The following RNF130 variants were observed in gnomAD, a reference collection of about 807,000 sequenced individuals.
RNF130 encodes E3 ubiquitin-protein ligase RNF130.
RNF130 carries 21 observed loss-of-function variants against 44.6 expected under a neutral mutation model. The observed-to-expected ratio is 0.47, with a 90% confidence interval of 0.33 to 0.68. The LOEUF (loss-of-function observed/expected upper bound fraction) is 0.68, where lower values mean the gene tolerates loss of function less well. Ranked by LOEUF, RNF130 falls within the 30% of genes least tolerant of loss-of-function variation. The probability of loss-of-function intolerance (pLI) is 0.02; values close to 1 mark genes in which losing one functional copy is unlikely to be tolerated. For missense variants in RNF130, 479 were observed against 560.6 expected (o/e 0.85, Z 1.47); for synonymous variants, 214 against 210.4 (o/e 1.02, Z -0.15).
intron 2 of RNF130, among the ~76,000 whole-genome samples, chr5:180,020,376 G>C (rs575474846): frequency 1.3e-5 from 2 of 152,186 alleles, no homozygotes; most frequent in Non-Finnish European, 2.9e-5. Flanking sequence ...GTCTCCCCAC[G>C]TGGAAGTGAC....
chr5:180,056,205 G>A lies in RNF130; in HGVS notation c.247+15251C>T, dbSNP rs138048850. On this transcript the variant is annotated intron_variant, in intron 1 of 8. Coordinates refer to ENST00000521389, the MANE Select transcript of RNF130 (RefSeq NM_018434.6). ...CTATCAGAAATATAGATTTATTCCC[G>A]CTGTTACTCTTAGCCTAAGTGTTGA... Among the ~76,000 whole-genome samples, 961 of 151,846 alleles carry A rather than the reference G, an allele frequency of 6.3e-3. 2 individuals are homozygous for A. Among genetic ancestry groups the A allele is most frequent in the South Asian group, 9.1e-3 (44 of 4,810 alleles).
intron 8 of RNF130, among the ~76,000 whole-genome samples, chr5:179,957,334 C>A (rs1467042705): frequency 6.6e-6 from 1 of 152,180 alleles, no homozygotes; most frequent in African/African-American, 2.4e-5. Context: ...ACTGCTTGAA[C>A]CTGGGAGGCA....
chr5:179,965,201 C>G (rs748803680), intron 7 of RNF130, among the ~76,000 whole-genome samples: 2 of 152,124 alleles, frequency 1.3e-5, no homozygotes, highest in Non-Finnish European at 2.9e-5. Context: ...ATAAAACACC[C>G]AATATGCTGG....
In RNF130 at chr5:179,973,461, C is replaced by T. The variant is rs117536854; in HGVS notation, c.849-2955G>A. On this transcript the variant is annotated intron_variant, in intron 5 of 8. Transcript: ENST00000521389. Reference sequence around the variant, plus strand: ...AACAGTCTGGTGCTCGGCAAACCACCTTTCTGCTGTGCAGAGGTCTCAGCT... The same window carrying T: ...AACAGTCTGGTGCTCGGCAAACCACTTTTCTGCTGTGCAGAGGTCTCAGCT... 2.9e-4 allele frequency among the ~76,000 whole-genome samples: 44 copies of T among 152,354 alleles called. 1 individual carries two copies. The East Asian group carries it at 8.1e-3, about 28-fold the overall frequency.
intron 7 of RNF130, among the ~76,000 whole-genome samples, chr5:179,946,550 G>A (rs921233521): frequency 1.3e-5 from 2 of 151,056 alleles, no homozygotes; most frequent in Non-Finnish European, 2.9e-5. Context: ...CACACCCACC[G>A]GGGATTTTTT....
intron 5 of RNF130, among the ~76,000 whole-genome samples, chr5:179,970,957 T>C (rs528244121): frequency 9.8e-5 from 15 of 152,344 alleles, no homozygotes; most frequent in South Asian, 2.1e-4. Flanking sequence ...ATTTAAAACA[T>C]CATTTTTAAA....
intron 1 of RNF130, among the ~76,000 whole-genome samples, chr5:180,054,589 C>T (rs944320849): frequency 2.6e-5 from 4 of 152,350 alleles, no homozygotes; most frequent in Middle Eastern, 3.4e-3. Flanking sequence ...CTCAGTTCTA[C>T]TCCACTGATC....
chr5:179,920,060 C>A, exon 8 of RNF130: 1 of 423,120 alleles, frequency 2.4e-6, no homozygotes, highest in East Asian at 3.5e-5. Context: ...TGGAAACAGC[C>A]AGCCTTGCTG....
intron 3 of RNF130, among the ~76,000 whole-genome samples, chr5:179,995,356 G>T (rs1236659711): frequency 6.6e-6 from 1 of 152,160 alleles, no homozygotes; most frequent in African/African-American, 2.4e-5. Flanking sequence ...CATGATGGGG[G>T]TGCAGGGGTC....
intron 7 of RNF130, among the ~76,000 whole-genome samples, chr5:179,944,249 G>A (rs143609689): frequency 0.014 from 2,087 of 152,180 alleles, 56 homozygotes; most frequent in African/African-American, 0.048. Flanking sequence ...GATTACAGGC[G>A]TGAGCCACCG....
chr5:180,024,772 G>GT (rs1295793344), intron 2 of RNF130, among the ~76,000 whole-genome samples: 2 of 152,210 alleles, frequency 1.3e-5, no homozygotes, highest in African/African-American at 2.4e-5. Context: ...AAAGCCTACC[G>GT]TTTTTTCATG....
chr5:179,949,228 G>A (rs923236757), intron 7 of RNF130, among the ~76,000 whole-genome samples: 4 of 151,700 alleles, frequency 2.6e-5, no homozygotes, highest in African/African-American at 4.8e-5. Flanking sequence ...GCCTCCCAAA[G>A]TTGCAGGGAT....
At chr5:180,067,010 C>T (rs1765123906) in intron 1 of RNF130, among the ~76,000 whole-genome samples, 1 of 152,140 alleles carries the variant, frequency 6.6e-6, no homozygotes, top group African/African-American at 2.4e-5. Flanking sequence ...GCCCGGGCAA[C>T]AGAGCAAGAC....
intron 1 of RNF130, among the ~76,000 whole-genome samples, chr5:180,051,247 T>C (rs1364027696): frequency 1.3e-5 from 2 of 150,014 alleles, no homozygotes; most frequent in African/African-American, 4.9e-5. Flanking sequence ...TATATTTATT[T>C]ATTTATTTAT....
chr5:179,978,200 T>C lies in RNF130; in HGVS notation c.848+3A>G. On this transcript the variant is annotated splice_donor_region_variant and intron_variant, in intron 5 of 8. Transcript: ENST00000521389. ...CTTTCTCAAACAAATGAAGTTGACA[T>C]ACTTGCAGGGGAGAATTCGGACGAC... 1 of 1,607,074 alleles carries C rather than the reference T, an allele frequency of 6.2e-7. No homozygotes were observed. The highest frequency in any genetic ancestry group is 8.5e-7 in the Non-Finnish European group (1 of 1,173,564).
chr5:179,952,934 C>CGT (rs1325629158), downstream of RNF130, among the ~76,000 whole-genome samples: 2 of 152,074 alleles, frequency 1.3e-5, no homozygotes, highest in Non-Finnish European at 2.9e-5. Context: ...ATCACAACAA[C>CGT]ACATGGATGT....
downstream of RNF130, among the ~76,000 whole-genome samples, chr5:179,952,646 T>C (rs955124930): frequency 2.6e-5 from 4 of 152,158 alleles, no homozygotes; most frequent in Non-Finnish European, 5.9e-5. Context: ...GGATTGTACA[T>C]TATGACCAAG....
intron 7 of RNF130, among the ~76,000 whole-genome samples, chr5:179,933,424 G>A (rs184527951): frequency 1.3e-5 from 2 of 152,084 alleles, no homozygotes; most frequent in African/African-American, 4.8e-5. Context: ...GTGTGTGTGA[G>A]TGTGTGGTAA....
chr5:179,944,190 C>T lies in RNF130; in HGVS notation c.1150+22616G>A, dbSNP rs564539912. Among the ~76,000 whole-genome samples the T allele has an allele frequency of 1.3e-3, 194 of 152,124 alleles. 1 individual carries two copies. The highest frequency in any genetic ancestry group is 4.4e-3 in the African/African-American group (183 of 41,490). The stretch of plus-strand genomic sequence containing the variant: ...TTCACCATATTGGCCAGGCTGGTCT[C>T]GAACTCCTGACCTCGTGATCTGCCT... On this transcript the variant is annotated intron_variant, in intron 7 of 7. Transcript: ENST00000522208.
Sources: allele counts gnomAD v4.1 joint callset (sites outside exome capture counted in the v4.1 genomes callset), GRCh38; gene constraint gnomAD v4.1.1; transcripts MANE v1.5; gene names NCBI Gene and HGNC (gene_info 2026-07-23, HGNC 2026-07-21).